CMTM6: variants seen among roughly 807,000 people sequenced by gnomAD.
The protein encoded by CMTM6 is CKLF-like MARVEL transmembrane domain-containing protein 6.
A neutral mutation model predicts 13.6 loss-of-function variants in CMTM6; 5 were observed. The ratio of observed to expected loss-of-function variants is 0.37; its 90% confidence interval spans 0.19 to 0.77. CMTM6 has a LOEUF of 0.77. Among genes scored for constraint, CMTM6 ranks in the 30% least tolerant of loss-of-function variants. CMTM6 has a pLI of 0.50. For missense variants in CMTM6, 196 were observed against 218.6 expected, an observed-to-expected ratio of 0.90 and a Z score of 0.65; for synonymous variants, 99 against 84.5, an observed-to-expected ratio of 1.17 and a Z score of -0.94.
intron 1 of CMTM6, among the ~76,000 whole-genome samples, chr3:32,497,242 G>A (rs1362630667): frequency 7.9e-5 from 12 of 151,580 alleles, no homozygotes; most frequent in African/African-American, 2.4e-4. Context: ...AAAATTAGCC[G>A]GGCGTGGTGG....
At chr3:32,495,489 T>C (rs1187542245) in intron 1 of CMTM6, among the ~76,000 whole-genome samples, 3 of 152,224 alleles carry the variant, frequency 2.0e-5, no homozygotes, top group African/African-American at 7.2e-5. Flanking sequence ...CTATGTTAAA[T>C]CTTGTCCAAG....
chr3:32,486,093 GTC>G (rs1697202171), intron 3 of CMTM6, among the ~76,000 whole-genome samples: 1 of 152,198 alleles, frequency 6.6e-6, no homozygotes, highest in African/African-American at 2.4e-5. Context: ...GGCCAAGCTG[GTC>G]TCAAACTTCT....
intron 3 of CMTM6, 141 bp from the exon 4 acceptor site, chr3:32,484,238 A>G (rs1192223871): frequency 2.0e-5 from 13 of 656,568 alleles, no homozygotes; most frequent in Non-Finnish European, 2.7e-5. Context: ...ATGGTAAAAA[A>G]AATTTTTTTA....
At chr3:32,488,908 C>G (rs911814171) in intron 2 of CMTM6, among the ~76,000 whole-genome samples, 3 of 152,126 alleles carry the variant, frequency 2.0e-5, no homozygotes, top group Non-Finnish European at 4.4e-5. Flanking sequence ...AAATGATAGC[C>G]ACTCCAAAGG....
In CMTM6 at chr3:32,502,814, C is replaced by A; in HGVS notation, c.-69G>T. On this transcript the variant is annotated 5_prime_UTR_variant, in exon 1 of 4. Coordinates refer to ENST00000205636, the MANE Select transcript of CMTM6 (RefSeq NM_017801.3). ...TGACTTCTCGGACTCCAGAAGTCCC[C>A]GGTAGCCGGGAGGCGGCCGTCACTT... 7.4e-7 allele frequency: 1 copy of A among 1,353,836 alleles called. No homozygotes were observed. The highest frequency in any genetic ancestry group is 9.5e-7 in the Non-Finnish European group (1 of 1,052,934). The allele number at this position is 1,353,836 out of a possible 1,614,324, so 83.9% of individuals were successfully genotyped here.
chr3:32,486,912 G>A (rs1238898448), intron 3 of CMTM6, among the ~76,000 whole-genome samples: 1 of 152,180 alleles, frequency 6.6e-6, no homozygotes, highest in Non-Finnish European at 1.5e-5. Context: ...TGTAAGATGT[G>A]CCTGCTTCCG....
At position 32,491,745 on chromosome 3, in the gene CMTM6, A is replaced by G. The variant is rs1697251634; in HGVS notation, c.280T>C (p.Tyr94His). 6.2e-7 allele frequency: 1 copy of G among 1,604,574 alleles called. No homozygotes were observed. Among genetic ancestry groups the G allele is most frequent in the South Asian group, 1.1e-5 (1 of 89,390 alleles). Residue 94 changes from tyrosine to histidine, a missense_variant, in exon 2 of 4, where the codon TAT becomes CAT. Tyr to His is a moderately conservative substitution (Grantham distance 83, BLOSUM62 2). Transcript: ENST00000205636. ...ACTTTTGTGGTATCAACTCTCTCAT[A>G]AAATGGAGTGCAATACACAATCAGT... ...LILIVYCTPF[Y>H]ERVDTTKVKS...
Position 32,483,800 on chromosome 3 carries a change from G to A in CMTM6, c.*160C>T. The A allele has an allele frequency of 1.5e-6, 1 of 648,248 alleles. No homozygotes were observed. The highest frequency in any genetic ancestry group is 2.3e-6 in the Non-Finnish European group (1 of 434,180). 40.2% of individuals were successfully genotyped at this position (648,248 alleles called of 1,614,324 possible). On this transcript the variant is annotated 3_prime_UTR_variant, in exon 4 of 4. Transcript: ENST00000205636. ...TTTAACTTATCTGGCCTACTTTGTG[G>A]TGACTGACACAATATTGATAAAACT...
At chr3:32,489,403 C>A (rs1697232364) in intron 2 of CMTM6, among the ~76,000 whole-genome samples, 1 of 151,928 alleles carries the variant, frequency 6.6e-6, no homozygotes, top group African/African-American at 2.4e-5. Flanking sequence ...GTAATCCCAG[C>A]ACTTTGGGAG....
chr3:32,493,319 T>C (rs924011391), intron 1 of CMTM6, among the ~76,000 whole-genome samples: 3 of 152,190 alleles, frequency 2.0e-5, no homozygotes, highest in Non-Finnish European at 2.9e-5. Context: ...TCTGGTTAAA[T>C]TGGCAACTCA....
At chr3:32,497,722 G>A (rs762833059) in intron 1 of CMTM6, among the ~76,000 whole-genome samples, 1 of 151,936 alleles carries the variant, frequency 6.6e-6, no homozygotes, top group African/African-American at 2.4e-5. Context: ...GCCGGGCATG[G>A]TGGTGCACGC....
At chr3:32,491,397 T>A (rs911881685) in intron 2 of CMTM6, among the ~76,000 whole-genome samples, 1 of 152,234 alleles carries the variant, frequency 6.6e-6, no homozygotes. Flanking sequence ...GTAGAACCAA[T>A]GAGTGACACT....
rs1242594645 is a variant in CMTM6, at chr3:32,502,793, T to C, written c.-48A>G. 2.9e-6 allele frequency: 4 copies of C among 1,391,146 alleles called. No homozygotes were observed. Among genetic ancestry groups the C allele is most frequent in the Non-Finnish European group, 3.7e-6 (4 of 1,073,092 alleles). The allele number at this position is 1,391,146 out of a possible 1,614,324, so 86.2% of individuals were successfully genotyped here. On this transcript the variant is annotated 5_prime_UTR_variant, in exon 1 of 4. Coordinates refer to ENST00000205636, the MANE Select transcript of CMTM6 (RefSeq NM_017801.3). ...CGGCCGCAGCAACCGCGCCGTTGAC[T>C]TCTCGGACTCCAGAAGTCCCCGGTA...
intron 1 of CMTM6, 26 bp downstream of exon 1, chr3:32,502,582 C>A (rs1303611448): frequency 1.3e-6 from 2 of 1,579,788 alleles, no homozygotes; most frequent in Non-Finnish European, 1.7e-6. Context: ...CCAGCCCGGG[C>A]TCGCCCTCCC....
At chr3:32,489,269 CA>C (rs34775532) in intron 2 of CMTM6, among the ~76,000 whole-genome samples, 1,781 of 94,642 alleles carry the variant, frequency 0.019, 26 homozygotes, top group East Asian at 0.072. Flanking sequence ...GACTCCATCT[CA>C]AAAAAAAAAA....
intron 1 of CMTM6, among the ~76,000 whole-genome samples, chr3:32,492,587 G>C (rs1330100004): frequency 6.6e-6 from 1 of 152,110 alleles, no homozygotes; most frequent in Non-Finnish European, 1.5e-5. Flanking sequence ...GCAAACCTTG[G>C]GGCGGACATC....
rs756672550 is a variant in CMTM6 at position 32,484,095 on chromosome 3, C to T, written c.417G>A (p.Val139=). The stretch of plus-strand genomic sequence containing the variant: ...ACATAAAACTTGCTATAAATCCAAA[C>T]ACCTGAGGAAAAAAAGGAGGAAAGG... ...DRTSAEIAAI[V]FGFIASFMFL... is the part of the protein sequence containing the mutation. Residue 139 remains valine (V), a splice_region_variant and synonymous_variant, in exon 4 of 4, where the codon GTG becomes GTA. Transcript: ENST00000205636. 15 of 1,556,300 alleles carry T rather than the reference C, an allele frequency of 9.6e-6. No homozygotes were observed. Among genetic ancestry groups the T allele is most frequent in the African/African-American group, 1.4e-5 (1 of 72,030 alleles).
chr3:32,496,668 A>G (rs1404355988), intron 1 of CMTM6, among the ~76,000 whole-genome samples: 2 of 152,182 alleles, frequency 1.3e-5, no homozygotes, highest in South Asian at 2.1e-4. Context: ...ATCTCAAGAA[A>G]ATGTTCGAAG....
At chr3:32,489,517 G>A (rs1394856941) in intron 2 of CMTM6, among the ~76,000 whole-genome samples, 1 of 151,800 alleles carries the variant, frequency 6.6e-6, no homozygotes, top group Non-Finnish European at 1.5e-5. Flanking sequence ...TGGGTGTGGT[G>A]GCAGGCACCT....
Sources: gnomAD v4.1 joint callset for allele counts (sites outside exome capture counted in the v4.1 genomes callset) on GRCh38, gnomAD v4.1.1 for gene constraint, MANE v1.5 for transcripts, NCBI Gene and HGNC (gene_info 2026-07-23, HGNC 2026-07-21) for gene names.